The following AGTR1 variants were observed in gnomAD, a reference collection of about 807,000 sequenced individuals.
The protein encoded by AGTR1 is angiotensin II receptor type 1, also known as type-1 angiotensin II receptor.
A neutral mutation model predicts 19.4 loss-of-function variants in AGTR1; 16 were observed. The ratio of observed to expected loss-of-function variants is 0.82; its 90% CI spans 0.56 to 1.25. The LOEUF is 1.25. Ranked by LOEUF, AGTR1 falls within the 50% of genes most tolerant of loss-of-function variation. The pLI is 0.00. For synonymous variants in AGTR1, 153 were observed against 154.9 expected (o/e 0.99, Z 0.09); for missense variants, 373 against 431.9 (o/e 0.86, Z 1.21).
chr3:148,723,907 G>A (rs1304137468), intron 2 of AGTR1, among the ~76,000 whole-genome samples: 1 of 152,070 alleles, frequency 6.6e-6, no homozygotes, highest in Non-Finnish European at 1.5e-5. Flanking sequence ...TTGGAATGAG[G>A]GTCTGCAACA....
chr3:148,708,201 G>A (rs2276735), intron 2 of AGTR1, among the ~76,000 whole-genome samples, 174 bp downstream of exon 2: 65,758 of 151,948 alleles, frequency 0.43, 16,040 homozygotes, highest in African/African-American at 0.68. Flanking sequence ...GATTAAGAGC[G>A]TTTGTATTTA....
intron 2 of AGTR1, among the ~76,000 whole-genome samples, chr3:148,725,069 A>C (rs924243278): frequency 1.3e-5 from 2 of 152,194 alleles, no homozygotes; most frequent in African/African-American, 4.8e-5. Flanking sequence ...AAGTGAACTC[A>C]TGAAATTCTA....
rs528581332 is a variant in AGTR1, at chr3:148,736,614, C to T, written c.-47-4375C>T. ...CAAAGATCATGTGCAATAAATATCACTGTTCATGTTTCCTACAGATGAAAA... is the reference window on the plus strand; with the variant it reads ...CAAAGATCATGTGCAATAAATATCATTGTTCATGTTTCCTACAGATGAAAA... On this transcript the variant is annotated intron_variant, in intron 2 of 2. Coordinates refer to ENST00000349243, the MANE Select transcript of AGTR1 (RefSeq NM_000685.5). Among the ~76,000 whole-genome samples, 5 of 152,274 alleles carry T rather than the reference C, an allele frequency of 3.3e-5. No homozygotes were observed. The South Asian group carries it at 8.3e-4, about 25-fold the overall frequency.
intron 2 of AGTR1, among the ~76,000 whole-genome samples, chr3:148,713,159 GC>G (rs780083724): frequency 2.6e-5 from 4 of 152,000 alleles, no homozygotes; most frequent in African/African-American, 9.7e-5. Flanking sequence ...AATACAACAG[GC>G]CTAATTTAAC....
At chr3:148,736,870 C>G (rs917671938) in intron 2 of AGTR1, among the ~76,000 whole-genome samples, 8 of 152,172 alleles carry the variant, frequency 5.3e-5, no homozygotes, top group Non-Finnish European at 1.5e-5. Context: ...TGTTTTTAAT[C>G]AGGGTTCTAT....
chr3:148,703,776 A>C (rs1448086863), intron 1 of AGTR1, among the ~76,000 whole-genome samples: 1 of 152,074 alleles, frequency 6.6e-6, no homozygotes, highest in Non-Finnish European at 1.5e-5. Context: ...AATTATTTGA[A>C]AATTTATTTA....
intron 1 of AGTR1, among the ~76,000 whole-genome samples, chr3:148,702,890 A>AT (rs1712432150): frequency 6.6e-6 from 1 of 152,140 alleles, no homozygotes; most frequent in South Asian, 2.1e-4. Context: ...GAAATAAATA[A>AT]TTTTTCTAAT....
chr3:148,698,162 G>A (rs1276224025), intron 1 of AGTR1, 35 bp downstream of exon 1: 2 of 152,282 alleles, frequency 1.3e-5, no homozygotes, highest in Admixed American at 6.5e-5. Flanking sequence ...ATGCTTGGGG[G>A]ACTTCAAGGG....
chr3:148,742,057 C>T lies in AGTR1; in HGVS notation c.1022C>T (p.Pro341Leu), dbSNP rs17852012. ...STKMSTLSYR[P>L]SDNVSSSTKK... ...AAAATGAGCACGCTTTCCTACCGCC[C>T]CTCAGATAATGTAAGCTCATCCACC... The change falls in exon 3 of 3, where the codon CCC (proline) becomes CTC (leucine). Residue 341 changes from proline to leucine, a missense_variant. Pro to Leu is a moderately conservative substitution (Grantham distance 98). Transcript: ENST00000349243. The T allele has an allele frequency of 2.5e-6, 4 of 1,613,884 alleles. No homozygotes were observed. The highest frequency in any genetic ancestry group is 1.7e-5 in the Admixed American group (1 of 59,976).
rs554579443 is a variant in AGTR1 at position 148,702,976 on chromosome 3, A to G, written c.-132+4849A>G. 5.9e-5 allele frequency among the ~76,000 whole-genome samples: 9 copies of G among 152,352 alleles called. 1 individual carries two copies. In the South Asian group the frequency reaches 1.7e-3, roughly 28 times the overall value. ...TGTCTTGCTAATTGAAGAGCTAAGC[A>G]TGAATACAGTTTTTCAGTCTACAGC... is the stretch of plus-strand genomic sequence containing the variant. On this transcript the variant is annotated intron_variant, in intron 1 of 2. Transcript: ENST00000349243.
In AGTR1 at chr3:148,738,229, A is replaced by G. The variant is rs12695917; in HGVS notation, c.-47-2760A>G. ...GCACCCAAGGGATTCTAGAGCGTAA[A>G]GTGTACTCCCTTCTATTTTTTACTG... is the stretch of plus-strand genomic sequence containing the variant. On this transcript the variant is annotated intron_variant, in intron 2 of 2. Transcript: ENST00000349243. 2.8e-3 allele frequency among the ~76,000 whole-genome samples: 429 copies of G among 152,250 alleles called. 2 individuals carry two copies. The highest frequency in any genetic ancestry group is 9.9e-3 in the African/African-American group (412 of 41,542).
chr3:148,702,485 G>A (rs903456836), intron 1 of AGTR1, among the ~76,000 whole-genome samples: 5 of 152,182 alleles, frequency 3.3e-5, no homozygotes, highest in African/African-American at 1.2e-4. Flanking sequence ...ACAAGCCAAA[G>A]TATAAAAATG....
intron 2 of AGTR1, chr3:148,731,345 A>G (rs1237594157): frequency 6.6e-6 from 1 of 152,186 alleles, no homozygotes; most frequent in Non-Finnish European, 1.5e-5. Context: ...ATTTGCTGCC[A>G]CAAGTAGTAA....
chr3:148,742,572 T>C lies in AGTR1; in HGVS notation c.*457T>C. ...GTGCCGGTTTTCAGCTATTAGCAAC[T>C]GTGCTACACTTGCACCTGGTACTGC... On this transcript the variant is annotated 3_prime_UTR_variant, in exon 3 of 3. Coordinates refer to ENST00000349243, the MANE Select transcript of AGTR1 (RefSeq NM_000685.5). The C allele has an allele frequency of 3.2e-6, 1 of 308,246 alleles. No individual in the cohort carries two copies. The allele number at this position is 308,246 out of a possible 1,614,324, so 19.1% of individuals were successfully genotyped here. A position where few individuals can be genotyped will look rare whatever the true frequency, so the allele number is the denominator to read the frequency against.
chr3:148,738,660 T>C (rs1195226958), intron 2 of AGTR1, among the ~76,000 whole-genome samples: 1 of 152,190 alleles, frequency 6.6e-6, no homozygotes, highest in Non-Finnish European at 1.5e-5. Context: ...GTTACATTAT[T>C]TCTTCTTTTC....
intron 2 of AGTR1, among the ~76,000 whole-genome samples, chr3:148,726,716 C>A (rs926554493): frequency 1.3e-5 from 2 of 152,158 alleles, no homozygotes; most frequent in Middle Eastern, 3.4e-3. Flanking sequence ...CTGTGTGCCT[C>A]TTTTGAAAGC....
At chr3:148,698,998 T>TG (rs1162283119) in intron 1 of AGTR1, among the ~76,000 whole-genome samples, 1 of 151,880 alleles carries the variant, frequency 6.6e-6, no homozygotes, top group African/African-American at 2.4e-5. Flanking sequence ...TTTTTTTCTT[T>TG]GGGCAACCAT....
chr3:148,705,213 C>T (rs1025640358), intron 1 of AGTR1, among the ~76,000 whole-genome samples: 3 of 152,096 alleles, frequency 2.0e-5, no homozygotes, highest in African/African-American at 7.2e-5. Flanking sequence ...CATAGCATAG[C>T]ATTTTTTTCT....
chr3:148,708,614 A>G (rs1482061945), intron 2 of AGTR1, among the ~76,000 whole-genome samples: 3 of 152,196 alleles, frequency 2.0e-5, no homozygotes, highest in Non-Finnish European at 4.4e-5. Flanking sequence ...CTTTACAGGC[A>G]TGAGTCACAT....
Sources: allele counts gnomAD v4.1 joint callset (sites outside exome capture counted in the v4.1 genomes callset), GRCh38; gene constraint gnomAD v4.1.1; transcripts MANE v1.5; gene names NCBI Gene and HGNC (gene_info 2026-07-23, HGNC 2026-07-21).